The following NOSIP variants were observed in gnomAD, a reference collection of about 807,000 sequenced individuals.
NOSIP encodes the protein nitric oxide synthase-interacting protein.
NOSIP carries 25 observed loss-of-function variants against 36.4 expected under a neutral mutation model. That is an observed-to-expected ratio of 0.69 (90% CI 0.50 to 0.96). The LOEUF (loss-of-function observed/expected upper bound fraction) is 0.96. NOSIP is among the 40% of genes least tolerant of loss of function. The pLI is 0.00. For missense variants in NOSIP, 370 were observed against 429.0 expected (o/e 0.86, Z 1.21); for synonymous variants, 187 against 179.2 (o/e 1.04, Z -0.35).
At chr19:49,566,024 CTTCTTT>C (rs1240055383) in intron 1 of NOSIP, among the ~76,000 whole-genome samples, 2 of 148,494 alleles carry the variant, frequency 1.3e-5, no homozygotes, top group African/African-American at 5.1e-5. Flanking sequence ...TTCTTTTCTT[CTTCTTT>C]TTTTTTTTTG....
rs199804285 is a variant in NOSIP at position 49,557,188 on chromosome 19, G to A, written c.320C>T (p.Ser107Leu). The A allele has an allele frequency of 1.2e-4, 190 of 1,607,060 alleles. No individual in the cohort carries two copies. The highest frequency in any genetic ancestry group is 1.4e-4 in the Non-Finnish European group (167 of 1,177,326). Residue 107 changes from serine (S) to leucine (L), a missense_variant, in exon 5 of 9, where the codon TCG (serine) becomes TTG (leucine). Around this residue, in one of 3 missense-constraint regions of NOSIP, gnomAD observed 315 missense variants for 331.9 expected, o/e 0.95. Transcript: ENST00000596358. Reference protein sequence around the residue: ...EEQKELQRAASQDHVRGFLEK... With the variant: ...EEQKELQRAALQDHVRGFLEK... ...CAGGAAGCCCCGCACATGGTCCTGC[G>A]AGGCCGCCCGCTGAAGCTCCTTCTG...
chr19:49,558,362 C>G (rs2080285186), intron 4 of NOSIP: 1 of 151,854 alleles, frequency 6.6e-6, no homozygotes, highest in Admixed American at 6.6e-5. Context: ...GATTCTCCTG[C>G]CTCAGCTTCC....
intron 1 of NOSIP, among the ~76,000 whole-genome samples, chr19:49,578,837 A>G (rs955987859): frequency 1.8e-4 from 27 of 150,772 alleles, no homozygotes; most frequent in African/African-American, 6.6e-4. Context: ...GTTAGCCAGG[A>G]TGGTCTTGAT....
chr19:49,557,275 A>G (rs2080267623), intron 4 of NOSIP, 26 bp from the exon 5 acceptor site: 1 of 1,554,574 alleles, frequency 6.4e-7, no homozygotes, highest in Non-Finnish European at 8.7e-7. Flanking sequence ...TGGGCTGAGC[A>G]TCTGCCCGTG....
In NOSIP at chr19:49,555,710, G is replaced by A; in HGVS notation, c.*41C>T. 1 of 1,576,034 alleles carries A rather than the reference G, an allele frequency of 6.3e-7. No individual in the cohort carries two copies. On this transcript the variant is annotated 3_prime_UTR_variant, in exon 9 of 9. Transcript: ENST00000596358. The stretch of plus-strand genomic sequence containing the variant: ...ACGCCGCGAATGAAGGCGCCACGTC[G>A]TTGCGCACCCAAGCCGGTTTATTTG...
chr19:49,555,892 G>T, intron 8 of NOSIP, 70 bp from the exon 9 acceptor site: 2 of 1,170,966 alleles, frequency 1.7e-6, no homozygotes, highest in Non-Finnish European at 2.6e-6. Flanking sequence ...CCAGGTGGTA[G>T]TGGGGATTCC....
In NOSIP at chr19:49,560,773, G is replaced by C; in HGVS notation, c.-1-81C>G. ...GAAGACCTCTGCAGCCCTCAGAGCT[G>C]ATCTGCCCCCCTTGATGGGAAAGCG... On this transcript the variant is annotated intron_variant, in intron 1 of 8. Coordinates refer to ENST00000596358, the MANE Select transcript of NOSIP (RefSeq NM_001270960.2). The surrounding 1 kb of genome is among the most constrained non-coding windows in gnomAD (Gnocchi z 4.6). 1 of 1,053,870 alleles carries C rather than the reference G, an allele frequency of 9.5e-7. No individual in the cohort carries two copies. The highest frequency in any genetic ancestry group is 2.0e-5 in the Admixed American group (1 of 49,794). The allele number at this position is 1,053,870 out of a possible 1,614,324, so 65.3% of individuals were successfully genotyped here.
rs534661672 is a variant in NOSIP at position 49,564,967 on chromosome 19, G to C, written c.-1-4275C>G. On this transcript the variant is annotated intron_variant, in intron 1 of 8. Transcript: ENST00000596358. ...CATGTGACGTTCAAAAACTCACAAA[G>C]TAATTACTACACCAGAAGTTATGTG... 2.0e-5 allele frequency among the ~76,000 whole-genome samples: 3 copies of C among 152,266 alleles called. No individual in the cohort carries two copies. The South Asian group carries it at 6.2e-4, about 32-fold the overall frequency.
In NOSIP at chr19:49,557,233, C is replaced by G; in HGVS notation, c.275G>C (p.Arg92Pro). The G allele has an allele frequency of 6.9e-6, 11 of 1,589,820 alleles. No homozygotes were observed. The highest frequency in any genetic ancestry group is 9.4e-6 in the Non-Finnish European group (11 of 1,169,042). ...CTTCTGCTCCTCGCGCCGGGTGCCCCGCTGCTTCTCGTAGGCCTGCGTCGG... is the reference window on the plus strand; with the variant it reads ...CTTCTGCTCCTCGCGCCGGGTGCCCGGCTGCTTCTCGTAGGCCTGCGTCGG... ...ARQMKAYEKQ[R>P]GTRREEQKEL... The change falls in exon 5 of 9, where the codon CGG (arginine) becomes CCG (proline). Residue 92 changes from arginine to proline, a missense_variant. Transcript: ENST00000596358.
intron 1 of NOSIP, among the ~76,000 whole-genome samples, chr19:49,563,908 T>C (rs1353916344): frequency 3.3e-5 from 5 of 152,206 alleles, no homozygotes; most frequent in Non-Finnish European, 7.3e-5. Context: ...AAGAGTCCAA[T>C]ACTCTTCTAG....
chr19:49,564,969 A>C (rs2080387009), intron 1 of NOSIP, among the ~76,000 whole-genome samples: 1 of 152,190 alleles, frequency 6.6e-6, no homozygotes, highest in African/African-American at 2.4e-5. Context: ...CTCACAAAGT[A>C]ATTACTACAC....
Position 49,558,977 on chromosome 19 carries a change from G to A in NOSIP, c.178C>T (p.Pro60Ser), listed in dbSNP as rs1347003747. 1.9e-6 allele frequency: 3 copies of A among 1,613,108 alleles called. No homozygotes were observed. The highest frequency in any genetic ancestry group is 2.2e-5 in the South Asian group (2 of 91,044). Reference sequence around the variant, plus strand: ...TCACGCTCATACAGGTAGCCATCTGGGCTGCAAAGACAGGGTGCAATGAGA... The same window carrying A: ...TCACGCTCATACAGGTAGCCATCTGAGCTGCAAAGACAGGGTGCAATGAGA... ...LQPCHDPVVTPDGYLYEREAI... is the reference protein window; with the variant it reads ...LQPCHDPVVTSDGYLYEREAI... Residue 60 changes from proline to serine, a missense_variant and splice_region_variant, in exon 4 of 9, where the codon CCA becomes TCA. Coordinates refer to ENST00000596358, the MANE Select transcript of NOSIP (RefSeq NM_001270960.2).
Position 49,557,974 on chromosome 19 carries a change from T to C in NOSIP, c.259-725A>G, listed in dbSNP as rs182657161. 2.2e-4 allele frequency: 215 copies of C among 976,492 alleles called. No homozygotes were observed. In the African/African-American group the frequency reaches 3.6e-3, roughly 16 times the overall value. The allele number at this position is 976,492 out of a possible 1,614,324, so 60.5% of individuals were successfully genotyped here. ...CTTGGGACAAAAAGCCCAATAAGCA[T>C]GTGACCTGTAGTGTTTCCTGAGCGC... On this transcript the variant is annotated intron_variant, in intron 4 of 8. Transcript: ENST00000596358.
At chr19:49,556,450 ACT>A (rs763933444) in intron 7 of NOSIP, 25 bp from the exon 8 acceptor site, 22 of 1,610,788 alleles carry the variant, frequency 1.4e-5, no homozygotes, top group African/African-American at 6.7e-5. Context: ...AAGGCGGGAG[ACT>A]CTGATCAGGG....
intron 1 of NOSIP, among the ~76,000 whole-genome samples, chr19:49,567,004 T>C (rs1372926064): frequency 6.6e-6 from 1 of 150,892 alleles, no homozygotes; most frequent in East Asian, 2.0e-4. Flanking sequence ...TTAGTAGAGA[T>C]GGGGTTTCGC....
intron 7 of NOSIP, 39 bp from the exon 8 acceptor site, chr19:49,556,464 C>T (rs1350150513): frequency 3.7e-6 from 6 of 1,609,114 alleles, no homozygotes; most frequent in African/African-American, 1.3e-5. Flanking sequence ...TGATCAGGGG[C>T]CTTCCTGGGG....
intron 1 of NOSIP, among the ~76,000 whole-genome samples, chr19:49,572,387 A>G (rs1328335739): frequency 6.8e-6 from 1 of 146,074 alleles, no homozygotes; most frequent in African/African-American, 2.5e-5. Context: ...GATTACAAGC[A>G]TGAGTCACTG....
chr19:49,572,459 G>A (rs932531641), intron 1 of NOSIP, among the ~76,000 whole-genome samples: 1 of 135,346 alleles, frequency 7.4e-6, no homozygotes, highest in Non-Finnish European at 1.5e-5. Flanking sequence ...TGCCCAGTCT[G>A]GAGTGCAAAA....
chr19:49,560,745 AG>A lies in NOSIP; in HGVS notation c.-1-54del. The A allele has an allele frequency of 7.4e-7, 1 of 1,359,406 alleles. No homozygotes were observed. The highest frequency in any genetic ancestry group is 1.0e-6 in the Non-Finnish European group (1 of 970,492). The allele number at this position is 1,359,406 out of a possible 1,614,324, so 84.2% of individuals were successfully genotyped here. The stretch of plus-strand genomic sequence containing the variant: ...TGTGGTTACCGGAGGCAGGCAGCAC[AG>A]GGAAGACCTCTGCAGCCCTCAGAGC... On this transcript the variant is annotated intron_variant, in intron 1 of 8. Transcript: ENST00000596358. This position sits in a 1 kb window ranked among gnomAD's most constrained non-coding sequence, Gnocchi z 4.6.
Sources: gnomAD v4.1 joint callset for allele counts (sites outside exome capture counted in the v4.1 genomes callset) on GRCh38, gnomAD v4.1.1 for gene constraint, gnomAD v4.1.1 regional missense constraint, Gnocchi (gnomAD v3.1) non-coding constraint, MANE v1.5 for transcripts, NCBI Gene and HGNC (gene_info 2026-07-23, HGNC 2026-07-21) for gene names.